Variants in RBFOX3 observed in about 807,000 individuals in gnomAD.
RBFOX3 encodes the protein RNA binding protein fox-1 homolog 3.
Under a neutral mutation model 48.7 loss-of-function variants are expected in RBFOX3, and 17 were observed. That is an observed-to-expected ratio of 0.35 (90% confidence interval 0.24 to 0.52). The LOEUF is 0.52. RBFOX3 is among the 20% of genes least tolerant of loss of function. RBFOX3 has a pLI of 0.94. For synonymous variants in RBFOX3, 212 were observed against 209.5 expected (o/e 1.01, Z -0.10); for missense variants, 382 against 497.5 (o/e 0.77, Z 2.21).
In RBFOX3 at chr17:79,472,052, C is replaced by A. The variant is rs543194799; in HGVS notation, c.-175+10402G>T. Among the ~76,000 whole-genome samples the A allele has an allele frequency of 3.3e-4, 50 of 152,318 alleles. 1 individual carries two copies. In the South Asian group the frequency reaches 8.1e-3, roughly 25 times the overall value. On this transcript the variant is annotated intron_variant, in intron 2 of 14. Transcript: ENST00000693108. ...ATGACCAAAGAGGCAGCTCCATGCA[C>A]AGATGACGACGACCGCCCAGCTGCC...
At chr17:79,524,743 T>A (rs1404834678) in intron 1 of RBFOX3, among the ~76,000 whole-genome samples, 3 of 152,174 alleles carry the variant, frequency 2.0e-5, no homozygotes, top group Non-Finnish European at 4.4e-5. Context: ...GGCTCTGCCG[T>A]GCAGCAGGTT....
intron 5 of RBFOX3, among the ~76,000 whole-genome samples, chr17:79,110,515 A>G (rs1215703250): frequency 6.6e-6 from 1 of 152,224 alleles, no homozygotes; most frequent in Non-Finnish European, 1.5e-5. Flanking sequence ...CTGTGGCACC[A>G]CATGAACCGG....
At chr17:79,192,079 C>T (rs142371005) in intron 4 of RBFOX3, among the ~76,000 whole-genome samples, 254 of 152,268 alleles carry the variant, frequency 1.7e-3, no homozygotes, top group South Asian at 4.8e-3. Context: ...CTGCCAACCC[C>T]CTACCGTCTC....
At position 79,481,991 on chromosome 17, in the gene RBFOX3, G is replaced by A. The variant is rs2078848572; in HGVS notation, c.-175+463C>T. Among the ~76,000 whole-genome samples the A allele has an allele frequency of 6.6e-6, 1 of 152,110 alleles. No individual in the cohort carries two copies. The highest frequency in any genetic ancestry group is 2.4e-5 in the African/African-American group (1 of 41,432). On this transcript the variant is annotated intron_variant, in intron 2 of 14. Transcript: ENST00000693108. This position sits in a 1 kb window ranked among gnomAD's most constrained non-coding sequence, Gnocchi z 5.4. ...AGAGCTGAACGGCAGTCACCCTCTCGGGGTGGGAACAGAGGCATCATGCCG... is the reference window on the plus strand; with the variant it reads ...AGAGCTGAACGGCAGTCACCCTCTCAGGGTGGGAACAGAGGCATCATGCCG...
At chr17:79,548,502 C>T (rs565880595) in intron 1 of RBFOX3, among the ~76,000 whole-genome samples, 138 of 152,380 alleles carry the variant, frequency 9.1e-4, no homozygotes, top group African/African-American at 2.9e-3. Flanking sequence ...TTTATTTCTG[C>T]AGGAAGCGCA....
chr17:79,537,821 G>C (rs980993602), intron 1 of RBFOX3, among the ~76,000 whole-genome samples: 6 of 152,180 alleles, frequency 3.9e-5, no homozygotes, highest in African/African-American at 1.4e-4. Context: ...CCAGCCCCAG[G>C]TGGTCACTGT....
chr17:79,160,113 C>T (rs1475533686), intron 4 of RBFOX3, among the ~76,000 whole-genome samples: 1 of 152,254 alleles, frequency 6.6e-6, no homozygotes, highest in African/African-American at 2.4e-5. Context: ...AGCTCCGGCC[C>T]CGGGGGATTC....
At chr17:79,600,274 G>T (rs1349893390) in intron 1 of RBFOX3, 2 of 152,282 alleles carry the variant, frequency 1.3e-5, no homozygotes, top group Non-Finnish European at 2.9e-5. Flanking sequence ...AAACACACTT[G>T]TGCATGTGCA....
At chr17:79,419,251 C>T (rs990186105) in intron 2 of RBFOX3, among the ~76,000 whole-genome samples, 45 of 152,222 alleles carry the variant, frequency 3.0e-4, no homozygotes, top group African/African-American at 9.9e-4. Flanking sequence ...GCCTTTTCCC[C>T]GTGAGAGGCC....
intron 1 of RBFOX3, among the ~76,000 whole-genome samples, chr17:79,495,229 G>T (rs1462868368): frequency 6.9e-6 from 1 of 145,068 alleles, no homozygotes; most frequent in African/African-American, 2.6e-5. Context: ...CTCCAGCTTG[G>T]AAGTGAGGCC....
At chr17:79,176,668 G>A (rs575632248) in intron 4 of RBFOX3, among the ~76,000 whole-genome samples, 41 of 152,318 alleles carry the variant, frequency 2.7e-4, no homozygotes, top group African/African-American at 9.6e-4. Flanking sequence ...GGTTTCCCAG[G>A]GGCCTAGTTA....
intron 4 of RBFOX3, among the ~76,000 whole-genome samples, chr17:79,191,146 G>T (rs572832676): frequency 1.3e-5 from 2 of 152,324 alleles, no homozygotes; most frequent in Non-Finnish European, 2.9e-5. Flanking sequence ...GTGGCTGGGT[G>T]CTCCCATTTG....
intron 1 of RBFOX3, among the ~76,000 whole-genome samples, chr17:79,587,127 G>C (rs2093274501): frequency 6.6e-6 from 1 of 152,306 alleles, no homozygotes; most frequent in African/African-American, 2.4e-5. Flanking sequence ...AGGCAGAAAG[G>C]TGAACCATTA....
chr17:79,664,644 G>A, the RBFOX3 span, among the ~76,000 whole-genome samples: 13 of 152,274 alleles, frequency 8.5e-5, no homozygotes, highest in South Asian at 4.1e-4. Context: ...CACCGCGCCC[G>A]GCCTACTCTC....
chr17:79,454,316 G>A (rs2074090307), intron 2 of RBFOX3, among the ~76,000 whole-genome samples: 1 of 152,090 alleles, frequency 6.6e-6, no homozygotes, highest in African/African-American at 2.4e-5. Context: ...CAGGGAGTCC[G>A]AGGCTGCCTA....
rs988698961 is a variant in RBFOX3, at chr17:79,090,697, G to A, written c.*186C>T. The A allele has an allele frequency of 1.9e-5, 14 of 723,782 alleles. No individual in the cohort carries two copies. The East Asian group carries it at 2.2e-4, about 12-fold the overall frequency. 44.8% of individuals were successfully genotyped at this position (723,782 alleles called of 1,614,324 possible). On this transcript the variant is annotated 3_prime_UTR_variant, in exon 15 of 15. Coordinates refer to ENST00000693108, the MANE Select transcript of RBFOX3 (RefSeq NM_001350451.2). ...GCCGCTCCTCGGCGCCCCTGCCGGC[G>A]TGCTCCCTCGGTGCGGGCGTGTGGC... is the stretch of plus-strand genomic sequence containing the variant.
intron 2 of RBFOX3, among the ~76,000 whole-genome samples, chr17:79,370,685 T>TCTCATACAC (rs2058420743): frequency 6.6e-6 from 1 of 151,660 alleles, no homozygotes; most frequent in Admixed American, 6.6e-5. Context: ...TGTACACATC[T>TCTCATACAC]CTCATACACC....
Position 79,361,644 on chromosome 17 carries a change from T to C in RBFOX3, c.-174-53820A>G, listed in dbSNP as rs535923381. On this transcript the variant is annotated intron_variant, in intron 2 of 14. Transcript: ENST00000693108. The surrounding 1 kb of genome is among the most constrained non-coding windows in gnomAD (Gnocchi z 4.5). ...CTCTCCTCCTCCTCCCAGCATCCCC[T>C]CTCTTTCACTCTGCCCTCAAACAGC... Among the ~76,000 whole-genome samples, 75 of 152,310 alleles carry C rather than the reference T, an allele frequency of 4.9e-4. No individual in the cohort carries two copies. Among genetic ancestry groups the C allele is most frequent in the African/African-American group, 1.8e-3 (75 of 41,574 alleles).
At chr17:79,259,243 T>C (rs529041418) in intron 3 of RBFOX3, among the ~76,000 whole-genome samples, 1 of 152,238 alleles carries the variant, frequency 6.6e-6, no homozygotes, top group Non-Finnish European at 1.5e-5. Flanking sequence ...CTGTGGACTC[T>C]GCCCCAGGGG....
Sources: gnomAD v4.1 joint callset for allele counts (sites outside exome capture counted in the v4.1 genomes callset) on GRCh38, gnomAD v4.1.1 for gene constraint, Gnocchi (gnomAD v3.1) non-coding constraint, MANE v1.5 for transcripts, NCBI Gene and HGNC (gene_info 2026-07-23, HGNC 2026-07-21) for gene names.